The following SDK1 variants were observed in gnomAD, a reference collection of about 807,000 sequenced individuals.
The protein encoded by SDK1 is sidekick cell adhesion molecule 1.
SDK1 carries 157 observed loss-of-function variants against 245.5 expected under a neutral mutation model. The observed-to-expected ratio is 0.64, with a 90% CI of 0.56 to 0.73. The LOEUF is 0.73. Among genes scored for constraint, SDK1 ranks in the 30% least tolerant of loss-of-function variants. SDK1 has a pLI of 0.00. For missense variants in SDK1, 3,583 were observed against 3,002.3 expected, an observed-to-expected ratio of 1.19 and a Z score of -4.52; for synonymous variants, 1,647 against 1,278.5, an observed-to-expected ratio of 1.29 and a Z score of -6.15.
chr7:3,485,683 G>GTTTTTTTGTTTTTTTTT (rs1781666239), intron 1 of SDK1, among the ~76,000 whole-genome samples: 1 of 38,180 alleles, frequency 2.6e-5, no homozygotes. Flanking sequence ...TCTTTGGAGG[G>GTTTTTTTGTTTTTTTTT]TTTTTTTTTT....
chr7:3,306,919 G>C (rs1268739981), intron 1 of SDK1, among the ~76,000 whole-genome samples: 1 of 152,192 alleles, frequency 6.6e-6, no homozygotes, highest in South Asian at 2.1e-4. Flanking sequence ...ATTAGGTCAC[G>C]GCTTAAATTT....
At chr7:3,435,491 C>T (rs7798732) in intron 1 of SDK1, among the ~76,000 whole-genome samples, 12,710 of 150,596 alleles carry the variant, frequency 0.084, 593 homozygotes, top group East Asian at 0.14. Context: ...CAGTCACGCC[C>T]AGCTAATTAT....
At chr7:3,565,967 C>G (rs1219910764) in intron 1 of SDK1, among the ~76,000 whole-genome samples, 1 of 151,920 alleles carries the variant, frequency 6.6e-6, no homozygotes, top group African/African-American at 2.4e-5. Flanking sequence ...CTAGTAGTAT[C>G]CAATTAAAAA....
intron 4 of SDK1, among the ~76,000 whole-genome samples, chr7:3,711,770 G>T (rs1785058088): frequency 6.6e-6 from 1 of 152,098 alleles, no homozygotes; most frequent in African/African-American, 2.4e-5. Context: ...AGGCCATTGA[G>T]GTTCTTCCCA....
intron 4 of SDK1, among the ~76,000 whole-genome samples, chr7:3,764,898 T>C (rs1177938032): frequency 1.3e-5 from 2 of 152,172 alleles, no homozygotes; most frequent in South Asian, 2.1e-4. Flanking sequence ...AAAAGTGCCA[T>C]ACTTTTACTT....
chr7:3,621,766 G>T (rs1202219), intron 2 of SDK1, among the ~76,000 whole-genome samples: 36,426 of 152,106 alleles, frequency 0.24, 5,368 homozygotes, highest in East Asian at 0.46. Context: ...GTAAGACAGA[G>T]TAATATCAAA....
At chr7:3,978,770 CAT>C (rs1783162737) in intron 13 of SDK1, among the ~76,000 whole-genome samples, 1 of 152,148 alleles carries the variant, frequency 6.6e-6, no homozygotes, top group Non-Finnish European at 1.5e-5. Flanking sequence ...AGAAAAATCT[CAT>C]ATTGCCAAAG....
intron 4 of SDK1, among the ~76,000 whole-genome samples, chr7:3,670,960 A>G (rs1374413650): frequency 2.6e-5 from 4 of 152,212 alleles, no homozygotes; most frequent in Non-Finnish European, 4.4e-5. Context: ...TTGTTCTTAC[A>G]GCACATCCTG....
At chr7:3,892,846 T>C (rs942229584) in intron 5 of SDK1, among the ~76,000 whole-genome samples, 1 of 152,124 alleles carries the variant, frequency 6.6e-6, no homozygotes, top group African/African-American at 2.4e-5. Flanking sequence ...CAAGCCACTT[T>C]CCCTCTGTGG....
At chr7:3,628,318 T>C (rs1214324318) in intron 2 of SDK1, among the ~76,000 whole-genome samples, 1 of 152,136 alleles carries the variant, frequency 6.6e-6, no homozygotes, top group Non-Finnish European at 1.5e-5. Flanking sequence ...TTGCTTAGGC[T>C]AGAGTATATA....
chr7:3,467,238 A>G (rs2128597112), intron 1 of SDK1, among the ~76,000 whole-genome samples: 1 of 152,186 alleles, frequency 6.6e-6, no homozygotes, highest in Non-Finnish European at 1.5e-5. Context: ...ACATTTTTCC[A>G]AAAATTAAAA....
chr7:4,141,880 C>T (rs1779604044), intron 28 of SDK1, among the ~76,000 whole-genome samples: 1 of 152,134 alleles, frequency 6.6e-6, no homozygotes, highest in South Asian at 2.1e-4. Context: ...CCTCAGCCTC[C>T]CGAGCAGTTG....
At chr7:3,801,872 G>A (rs968825510) in intron 4 of SDK1, among the ~76,000 whole-genome samples, 1 of 152,126 alleles carries the variant, frequency 6.6e-6, no homozygotes. Context: ...TCCAACATTT[G>A]TGTCTCCCTG....
chr7:3,524,686 C>G lies in SDK1; in HGVS notation c.299-94394C>G, dbSNP rs562718264. Among the ~76,000 whole-genome samples the G allele has an allele frequency of 3.9e-5, 6 of 152,230 alleles. No homozygotes were observed. The South Asian group carries it at 1.2e-3, about 32-fold the overall frequency. On this transcript the variant is annotated intron_variant, in intron 1 of 44. Coordinates refer to ENST00000404826, the MANE Select transcript of SDK1 (RefSeq NM_152744.4). ...AACTGAGAGCAGCATGTTTGATAGT[C>G]AACGTTAGGAGCTCACCTTTAGACA...
intron 38 of SDK1, among the ~76,000 whole-genome samples, chr7:4,213,778 G>A (rs1584460869): frequency 6.6e-6 from 1 of 152,132 alleles, no homozygotes; most frequent in Admixed American, 6.5e-5. Flanking sequence ...CTGCACATCT[G>A]GCTTCCCTTG....
At chr7:3,947,684 A>C (rs1200869116) in intron 5 of SDK1, among the ~76,000 whole-genome samples, 1 of 151,320 alleles carries the variant, frequency 6.6e-6, no homozygotes, top group East Asian at 1.9e-4. Flanking sequence ...TCTTTTTAAA[A>C]TATACACATA....
At chr7:3,924,772 G>A (rs1226097197) in intron 5 of SDK1, among the ~76,000 whole-genome samples, 1 of 152,102 alleles carries the variant, frequency 6.6e-6, no homozygotes, top group South Asian at 2.1e-4. Context: ...TTTACCCGTC[G>A]CCCTCCTCCT....
At chr7:3,618,932 A>G (rs1289426856) in intron 1 of SDK1, 148 bp from the exon 2 acceptor site, 15 of 615,706 alleles carry the variant, frequency 2.4e-5, no homozygotes, top group South Asian at 5.6e-5. Flanking sequence ...AGGGTTTGGT[A>G]AAGGATTATT....
chr7:4,081,454 T>C (rs1047167395), intron 22 of SDK1, among the ~76,000 whole-genome samples: 1 of 151,468 alleles, frequency 6.6e-6, no homozygotes, highest in African/African-American at 2.4e-5. Context: ...AGAATCTTGC[T>C]CTGTCGCCAA....
Sources: gnomAD v4.1 joint callset for allele counts (sites outside exome capture counted in the v4.1 genomes callset) on GRCh38, gnomAD v4.1.1 for gene constraint, MANE v1.5 for transcripts, NCBI Gene and HGNC (gene_info 2026-07-23, HGNC 2026-07-21) for gene names.